GALNTL6: variants seen among roughly 807,000 people sequenced by gnomAD.
GALNTL6 encodes polypeptide N-acetylgalactosaminyltransferase-like 6.
GALNTL6 carries 46 observed loss-of-function variants against 73.7 expected under a neutral mutation model. The ratio of observed to expected loss-of-function variants is 0.62; its 90% confidence interval spans 0.49 to 0.80. The LOEUF is 0.80. GALNTL6 is among the 30% of genes least tolerant of loss of function. The probability of loss-of-function intolerance (pLI) is 0.00; values close to 1 mark genes in which losing one functional copy is unlikely to be tolerated. For synonymous variants in GALNTL6, 259 were observed against 263.7 expected (o/e 0.98, Z 0.17); for missense variants, 604 against 755.0 (o/e 0.80, Z 2.34).
chr4:172,096,928 T>A (rs913103428), intron 2 of GALNTL6, among the ~76,000 whole-genome samples: 1 of 152,196 alleles, frequency 6.6e-6, no homozygotes, highest in African/African-American at 2.4e-5. Context: ...AATGCCGGTA[T>A]GTAGAGGATG....
chr4:173,022,997 C>T (rs1237726323), intron 12 of GALNTL6, among the ~76,000 whole-genome samples: 1 of 152,178 alleles, frequency 6.6e-6, no homozygotes, highest in African/African-American at 2.4e-5. Flanking sequence ...GCCTTCTCAG[C>T]CAGGGATAAG....
chr4:172,559,339 G>A lies in GALNTL6; in HGVS notation c.553+210650G>A, dbSNP rs116031440. Among the ~76,000 whole-genome samples the A allele has an allele frequency of 1.6e-3, 248 of 151,912 alleles. 1 individual carries two copies. The highest frequency in any genetic ancestry group is 5.6e-3 in the African/African-American group (234 of 41,452). The stretch of plus-strand genomic sequence containing the variant: ...TCGGCCTCCCAAAGTGCTGGGATTA[G>A]ATGATGGATTTAAAGCAGTTTGAGA... On this transcript the variant is annotated intron_variant, in intron 5 of 12. Coordinates refer to ENST00000506823, the MANE Select transcript of GALNTL6 (RefSeq NM_001034845.3).
At chr4:172,474,163 CT>C (rs1733150526) in intron 5 of GALNTL6, among the ~76,000 whole-genome samples, 1 of 152,110 alleles carries the variant, frequency 6.6e-6, no homozygotes, top group Non-Finnish European at 1.5e-5. Flanking sequence ...CTAGAGTGCT[CT>C]TTTCTCAGAT....
intron 2 of GALNTL6, among the ~76,000 whole-genome samples, chr4:172,176,201 G>A (rs534784653): frequency 1.3e-5 from 2 of 151,588 alleles, no homozygotes; most frequent in South Asian, 2.1e-4. Context: ...TTAGCCGGGC[G>A]AGGTGGCGGG....
intron 7 of GALNTL6, among the ~76,000 whole-genome samples, chr4:172,865,424 ACT>A (rs984277493): frequency 1.5e-4 from 23 of 152,328 alleles, no homozygotes; most frequent in South Asian, 1.2e-3. Flanking sequence ...GGTTTGGATG[ACT>A]TTTGTGGAAA....
intron 2 of GALNTL6, among the ~76,000 whole-genome samples, chr4:172,146,806 T>C (rs775743728): frequency 7.2e-5 from 11 of 152,194 alleles, no homozygotes; most frequent in Non-Finnish European, 1.2e-4. Context: ...GACTGACATA[T>C]TAAGATAATT....
intron 2 of GALNTL6, among the ~76,000 whole-genome samples, chr4:172,212,807 A>G (rs573903714): frequency 6.6e-6 from 1 of 152,206 alleles, no homozygotes; most frequent in Non-Finnish European, 1.5e-5. Context: ...AGCTGGGATT[A>G]TAGGCATGCA....
intron 10 of GALNTL6, among the ~76,000 whole-genome samples, chr4:172,977,574 G>T (rs1278108256): frequency 1.3e-5 from 2 of 152,176 alleles, no homozygotes; most frequent in African/African-American, 4.8e-5. Flanking sequence ...AAAGGAAAAA[G>T]AATATTTGGA....
chr4:172,075,463 T>G (rs1731673605), intron 2 of GALNTL6, among the ~76,000 whole-genome samples: 1 of 151,950 alleles, frequency 6.6e-6, no homozygotes, highest in Non-Finnish European at 1.5e-5. Flanking sequence ...GCCTCCCGAG[T>G]AGCTGGGACT....
intron 2 of GALNTL6, among the ~76,000 whole-genome samples, chr4:172,050,267 G>T (rs1730810241): frequency 6.6e-6 from 1 of 152,104 alleles, no homozygotes; most frequent in Non-Finnish European, 1.5e-5. Context: ...GGCGGTTCAG[G>T]CTTTAGTCCC....
At chr4:172,895,942 T>A (rs1746306395) in intron 8 of GALNTL6, among the ~76,000 whole-genome samples, 2 of 152,226 alleles carry the variant, frequency 1.3e-5, no homozygotes, top group Non-Finnish European at 1.5e-5. Flanking sequence ...ATTGTATTTG[T>A]CAGCCCCAGG....
At chr4:172,025,449 T>C (rs2110809432) in intron 2 of GALNTL6, among the ~76,000 whole-genome samples, 1 of 152,116 alleles carries the variant, frequency 6.6e-6, no homozygotes, top group Non-Finnish European at 1.5e-5. Context: ...TCATTAATCA[T>C]GGTAGATGAC....
intron 5 of GALNTL6, among the ~76,000 whole-genome samples, chr4:172,801,313 C>T (rs950215325): frequency 6.6e-6 from 1 of 152,114 alleles, no homozygotes; most frequent in Non-Finnish European, 1.5e-5. Context: ...CTATTATTTG[C>T]CTCTTCCCAA....
chr4:171,837,126 T>C (rs1479524658), intron 2 of GALNTL6, among the ~76,000 whole-genome samples: 13 of 152,090 alleles, frequency 8.5e-5, no homozygotes, highest in Non-Finnish European at 1.5e-5. Flanking sequence ...AGCCAGCTGA[T>C]TGGATGCAAT....
At chr4:172,820,417 T>C (rs1418073176) in intron 7 of GALNTL6, among the ~76,000 whole-genome samples, 1 of 152,230 alleles carries the variant, frequency 6.6e-6, no homozygotes, top group Non-Finnish European at 1.5e-5. Context: ...TAATCTATTT[T>C]ACACAAAACT....
At chr4:172,835,438 T>A (rs1410766589) in intron 7 of GALNTL6, among the ~76,000 whole-genome samples, 1 of 152,206 alleles carries the variant, frequency 6.6e-6, no homozygotes, top group Non-Finnish European at 1.5e-5. Flanking sequence ...GGAAGAATGA[T>A]CTAGTTTTAA....
chr4:171,905,117 A>ATT (rs1230701265), intron 2 of GALNTL6, among the ~76,000 whole-genome samples: 2 of 152,214 alleles, frequency 1.3e-5, no homozygotes, highest in African/African-American at 4.8e-5. Context: ...TAACATCATA[A>ATT]TGACAGGATC....
chr4:172,279,126 A>G (rs1028093827), intron 3 of GALNTL6, among the ~76,000 whole-genome samples: 1 of 152,184 alleles, frequency 6.6e-6, no homozygotes, highest in Non-Finnish European at 1.5e-5. Context: ...AGAAAACAAC[A>G]TAGGAGAAAA....
At chr4:172,531,779 C>T (rs1320810119) in intron 5 of GALNTL6, among the ~76,000 whole-genome samples, 1 of 152,156 alleles carries the variant, frequency 6.6e-6, no homozygotes, top group African/African-American at 2.4e-5. Context: ...TGCCTAGGCT[C>T]AGCAGTAGTT....
Sources: allele counts gnomAD v4.1 joint callset (sites outside exome capture counted in the v4.1 genomes callset), GRCh38; gene constraint gnomAD v4.1.1; transcripts MANE v1.5; gene names NCBI Gene and HGNC (gene_info 2026-07-23, HGNC 2026-07-21).